UBAP2: variants seen among roughly 807,000 people sequenced by gnomAD.
The protein encoded by UBAP2 is ubiquitin-associated protein 2.
In UBAP2, 75 loss-of-function variants were observed where a neutral mutation model predicts 139.6. The ratio of observed to expected loss-of-function variants is 0.54; its 90% CI spans 0.45 to 0.65. UBAP2 has a LOEUF of 0.65. Among genes scored for constraint, UBAP2 ranks in the 30% least tolerant of loss-of-function variants. UBAP2 has a pLI of 0.00. For synonymous variants in UBAP2, 526 were observed against 526.2 expected (o/e 1.00, Z 0.01); for missense variants, 1,368 against 1,369.6 (o/e 1.00, Z 0.02).
intron 15 of UBAP2, 69 bp from the exon 16 acceptor site, chr9:33,941,931 TA>T: frequency 1.0e-6 from 1 of 992,274 alleles, no homozygotes; most frequent in Non-Finnish European, 1.5e-6. Context: ...AAAAAAAACA[TA>T]AACAGCTTCA....
intron 2 of UBAP2, 85 bp downstream of exon 2, chr9:34,016,964 CA>C: frequency 4.5e-6 from 4 of 880,002 alleles, no homozygotes; most frequent in Non-Finnish European, 6.8e-6. Flanking sequence ...ACAAGGCAAA[CA>C]AGAGTTCCAC....
At chr9:33,995,494 A>AATAT (rs201457619) in intron 4 of UBAP2, 2 of 134,690 alleles carry the variant, frequency 1.5e-5, no homozygotes, top group Non-Finnish European at 3.1e-5. Flanking sequence ...TATATTATTA[A>AATAT]ATATATATAT....
Position 33,963,826 on chromosome 9 carries a change from A to G in UBAP2, c.680-35T>C, listed in dbSNP as rs1330114504. 14 of 1,458,424 alleles carry G rather than the reference A, an allele frequency of 9.6e-6. No homozygotes were observed. In the Admixed American group the frequency reaches 1.7e-4, roughly 18 times the overall value. 90.3% of individuals were successfully genotyped at this position (1,458,424 alleles called of 1,614,324 possible). ...AATGTAAAATTGAGGGTTTAAACAT[A>G]TGAAAAGAATGAAAGTATTCATCAC... is the stretch of plus-strand genomic sequence containing the variant. On this transcript the variant is annotated intron_variant, in intron 8 of 28. Coordinates refer to ENST00000379238, the MANE Select transcript of UBAP2 (RefSeq NM_001370062.2).
At chr9:34,047,566 T>A (rs1248617649) in intron 1 of UBAP2, among the ~76,000 whole-genome samples, 1 of 152,240 alleles carries the variant, frequency 6.6e-6, no homozygotes, top group Admixed American at 6.6e-5. Context: ...ACTAGTCGCA[T>A]ACCCCTTGTT....
chr9:33,932,462 T>C, intron 19 of UBAP2, 100 bp downstream of exon 19: 1 of 1,391,258 alleles, frequency 7.2e-7, no homozygotes, highest in Non-Finnish European at 9.9e-7. Flanking sequence ...AACTCTAGAT[T>C]ATCAGACACT....
At chr9:33,969,471 C>T (rs1474765464) in intron 8 of UBAP2, among the ~76,000 whole-genome samples, 1 of 151,876 alleles carries the variant, frequency 6.6e-6, no homozygotes, top group Non-Finnish European at 1.5e-5. Context: ...ATGGCTTGAA[C>T]CCAATGGTTC....
intron 6 of UBAP2, among the ~76,000 whole-genome samples, chr9:33,986,499 G>C (rs1821227434): frequency 6.6e-6 from 1 of 152,096 alleles, no homozygotes; most frequent in Non-Finnish European, 1.5e-5. Flanking sequence ...ATTATAATTT[G>C]TCAATGCTTT....
In UBAP2 at chr9:33,941,787, G is replaced by C; in HGVS notation, c.1791C>G (p.Ser597=). ...NSTYTTSVIT[S]CSLTSSSLNS... The stretch of plus-strand genomic sequence containing the variant: ...TCAGTGATGAGCTTGTCAGACTGCA[G>C]GAGGTAATGACGGAAGTTGTATATG... Residue 597 remains serine (S), a synonymous_variant, in exon 16 of 29, where the codon TCC becomes TCG. Transcript: ENST00000379238. 1 of 1,614,080 alleles carries C rather than the reference G, an allele frequency of 6.2e-7. No homozygotes were observed. The highest frequency in any genetic ancestry group is 8.5e-7 in the Non-Finnish European group (1 of 1,179,986).
intron 6 of UBAP2, among the ~76,000 whole-genome samples, chr9:33,980,398 ATCTTT>A: frequency 7.0e-6 from 1 of 143,328 alleles, no homozygotes; most frequent in Non-Finnish European, 1.5e-5. Flanking sequence ...ACACCAGCTA[ATCTTT>A]TTTTGTATTT....
At position 34,019,526 on chromosome 9, in the gene UBAP2, G is replaced by A. The variant is rs1268131997; in HGVS notation, c.-41-2337C>T. 5.3e-5 allele frequency among the ~76,000 whole-genome samples: 8 copies of A among 152,242 alleles called. No homozygotes were observed. The East Asian group carries it at 1.2e-3, about 22-fold the overall frequency. The stretch of plus-strand genomic sequence containing the variant: ...AGAGGCTGGGGGTAGGGGAAGAATG[G>A]GGAGTTACTGTATCACAGGTATGGA... On this transcript the variant is annotated intron_variant, in intron 1 of 28. Coordinates refer to ENST00000379238, the MANE Select transcript of UBAP2 (RefSeq NM_001370062.2).
intron 3 of UBAP2, chr9:33,996,940 G>C (rs934152080): frequency 6.6e-6 from 1 of 152,222 alleles, no homozygotes; most frequent in Non-Finnish European, 1.5e-5. Context: ...CGTAGTGGTA[G>C]GAGGATTGCT....
At chr9:33,932,744 G>A (rs764904588) in intron 18 of UBAP2, 116 bp from the exon 19 acceptor site, 12 of 1,082,736 alleles carry the variant, frequency 1.1e-5, no homozygotes, top group East Asian at 1.0e-4. Flanking sequence ...GCACAGGACC[G>A]GCTTCAGACC....
Position 33,922,808 on chromosome 9 carries a change from G to C in UBAP2, c.3143C>G (p.Thr1048Ser), listed in dbSNP as rs746282565. 6.4e-7 allele frequency: 1 copy of C among 1,568,780 alleles called. No homozygotes were observed. The highest frequency in any genetic ancestry group is 8.6e-7 in the Non-Finnish European group (1 of 1,156,686). Residue 1048 changes from threonine (T) to serine (S), a missense_variant, in exon 28 of 29, where the codon ACT becomes AGT. Physicochemically the swap from Thr to Ser is moderately conservative, Grantham distance 58. Coordinates refer to ENST00000379238, the MANE Select transcript of UBAP2 (RefSeq NM_001370062.2). ...PFSLPSVLGS[T>S]GPLASGAAPG... ...GGCCGCTCCCGAGGCCAGGGGCCCA[G>C]TGGAGCCCAAGACCGAGGGCAGGCT...
intron 12 of UBAP2, among the ~76,000 whole-genome samples, chr9:33,950,528 T>G (rs984431522): frequency 6.6e-6 from 1 of 152,238 alleles, no homozygotes; most frequent in African/African-American, 2.4e-5. Context: ...CATTAGGTTA[T>G]GGACAGCTGT....
At chr9:33,968,118 C>T (rs1248602498) in intron 8 of UBAP2, 2 of 525,524 alleles carry the variant, frequency 3.8e-6, no homozygotes, top group Non-Finnish European at 7.5e-6. Flanking sequence ...AATACTCTAG[C>T]CATAAAAAAA....
At chr9:34,007,800 G>A (rs962309210) in intron 2 of UBAP2, among the ~76,000 whole-genome samples, 2 of 151,274 alleles carry the variant, frequency 1.3e-5, no homozygotes, top group South Asian at 2.1e-4. Flanking sequence ...CACCACTCCC[G>A]GCTAATTTTT....
intron 12 of UBAP2, chr9:33,948,825 T>C (rs1042153443): frequency 7.0e-6 from 3 of 431,504 alleles, no homozygotes; most frequent in Non-Finnish European, 1.2e-5. Context: ...AGGGAAATAT[T>C]TGCCATGAAT....
At chr9:34,017,340 G>A (rs1285604629) in intron 1 of UBAP2, among the ~76,000 whole-genome samples, 151 bp from the exon 2 acceptor site, 1 of 152,178 alleles carries the variant, frequency 6.6e-6, no homozygotes, top group African/African-American at 2.4e-5. Context: ...CATTTTGCTG[G>A]TATCTGTTAA....
At chr9:33,933,365 T>C (rs1363141390) in intron 18 of UBAP2, 125 bp downstream of exon 18, 1 of 1,164,372 alleles carries the variant, frequency 8.6e-7, no homozygotes, top group East Asian at 2.6e-5. Flanking sequence ...ACAGTCGTAA[T>C]GCAAAAGCCC....
Sources: gnomAD v4.1 joint callset for allele counts (sites outside exome capture counted in the v4.1 genomes callset) on GRCh38, gnomAD v4.1.1 for gene constraint, MANE v1.5 for transcripts, NCBI Gene and HGNC (gene_info 2026-07-23, HGNC 2026-07-21) for gene names.